Variants in CAMTA1 observed in about 807,000 individuals in gnomAD.
CAMTA1 encodes the protein calmodulin binding transcription activator 1.
A neutral mutation model predicts 170.9 loss-of-function variants in CAMTA1; 27 were observed. That is an observed-to-expected ratio of 0.16 (90% confidence interval 0.12 to 0.22). The LOEUF (loss-of-function observed/expected upper bound fraction) is 0.22. Among genes scored for constraint, CAMTA1 ranks in the 10% least tolerant of loss-of-function variants. CAMTA1 has a pLI of 1.00. For missense variants in CAMTA1, 1,619 were observed against 2,217.2 expected, an observed-to-expected ratio of 0.73 and a Z score of 5.42; for synonymous variants, 833 against 891.5, an observed-to-expected ratio of 0.93 and a Z score of 1.17.
At chr1:6,858,482 G>T (rs1424803667) in intron 3 of CAMTA1, among the ~76,000 whole-genome samples, 1 of 81,966 alleles carries the variant, frequency 1.2e-5, no homozygotes. Context: ...GTGTGTGTGT[G>T]TGTTGGGGGG....
intron 3 of CAMTA1, among the ~76,000 whole-genome samples, chr1:6,940,906 A>C: frequency 4.0e-3 from 1 of 252 alleles, no homozygotes; most frequent in Admixed American, 0.083. Context: ...CACTGTGCTC[A>C]CAGGCAGGGG....
intron 9 of CAMTA1, among the ~76,000 whole-genome samples, 178 bp from the exon 10 acceptor site, chr1:7,670,733 G>C (rs1200536887): frequency 1.3e-5 from 2 of 152,160 alleles, no homozygotes; most frequent in Non-Finnish European, 2.9e-5. Context: ...TGTAGTCCTG[G>C]AGCTGTGGTT....
chr1:7,044,745 C>A lies in CAMTA1; in HGVS notation c.235-46559C>A, dbSNP rs1305831773. On this transcript the variant is annotated intron_variant, in intron 3 of 22. Transcript: ENST00000303635. The surrounding 1 kb of genome is among the most constrained non-coding windows in gnomAD (Gnocchi z 5.0). The stretch of plus-strand genomic sequence containing the variant: ...TCCCTTGCTTTGGGGAGGGAACTTA[C>A]CCTGCGTGCAGTCCTCCTGCCCCCC... Among the ~76,000 whole-genome samples the A allele has an allele frequency of 6.6e-6, 1 of 152,098 alleles. No homozygotes were observed. The highest frequency in any genetic ancestry group is 1.5e-5 in the Non-Finnish European group (1 of 68,000).
Position 7,671,018 on chromosome 1 carries a change from G to A in CAMTA1, c.2760G>A (p.Val920=). 2.5e-6 allele frequency: 4 copies of A among 1,613,546 alleles called. No homozygotes were observed. Among genetic ancestry groups the A allele is most frequent in the Non-Finnish European group, 3.4e-6 (4 of 1,179,960 alleles). The part of the protein sequence containing the change: ...SVPASLIQPG[V]LRCYCPAHDT... ...CTGCATCCCTGATTCAGCCTGGGGT[G>A]CTGCGCTGCTACTGCCCAGGTGAGA... is the stretch of plus-strand genomic sequence containing the variant. Residue 920 remains valine (V), a synonymous_variant, in exon 10 of 23, where the codon GTG becomes GTA. Transcript: ENST00000303635.
Position 7,635,636 on chromosome 1 carries a change from C to T in CAMTA1, c.511-4764C>T, listed in dbSNP as rs1173480260. 1.3e-5 allele frequency among the ~76,000 whole-genome samples: 2 copies of T among 151,696 alleles called. No homozygotes were observed. The highest frequency in any genetic ancestry group is 2.4e-5 in the African/African-American group (1 of 41,216). Reference sequence around the variant, plus strand: ...AAAAAAAAAAAAAAAAATACAGGGCCCTGGCGGGGTCTGTCCCCTGCCGTG... The same window carrying T: ...AAAAAAAAAAAAAAAAATACAGGGCTCTGGCGGGGTCTGTCCCCTGCCGTG... On this transcript the variant is annotated intron_variant, in intron 6 of 22. Transcript: ENST00000303635. This position sits in a 1 kb window ranked among gnomAD's most constrained non-coding sequence, Gnocchi z 4.4.
Position 7,635,395 on chromosome 1 carries a change from C to G in CAMTA1, c.511-5005C>G, listed in dbSNP as rs1055077460. Among the ~76,000 whole-genome samples the G allele has an allele frequency of 1.3e-5, 2 of 151,934 alleles. No individual in the cohort carries two copies. Among genetic ancestry groups the G allele is most frequent in the Non-Finnish European group, 2.9e-5 (2 of 67,986 alleles). ...GGCCGAGGCAGGCAGATCACGAGAT[C>G]GGGACACCGAGACTATCCTGGCTAA... On this transcript the variant is annotated intron_variant, in intron 6 of 22. Coordinates refer to ENST00000303635, the MANE Select transcript of CAMTA1 (RefSeq NM_015215.4). This position sits in a 1 kb window ranked among gnomAD's most constrained non-coding sequence, Gnocchi z 4.4.
chr1:7,604,489 G>A (rs1406819571), intron 6 of CAMTA1, among the ~76,000 whole-genome samples: 1 of 152,098 alleles, frequency 6.6e-6, no homozygotes, highest in Non-Finnish European at 1.5e-5. Context: ...TGAGGCTTGT[G>A]CATTCATCAC....
chr1:7,420,769 G>A lies in CAMTA1; in HGVS notation c.439-47061G>A, dbSNP rs558552095. On this transcript the variant is annotated intron_variant, in intron 5 of 22. Transcript: ENST00000303635. ...TGGAGAAGCAGACAGAACCGTTCAA[G>A]TACAAATGTGTCTGTGCAGCAGGGC... 7.2e-5 allele frequency among the ~76,000 whole-genome samples: 11 copies of A among 152,356 alleles called. 1 individual carries two copies. The South Asian group carries it at 2.3e-3, about 32-fold the overall frequency.
intron 3 of CAMTA1, among the ~76,000 whole-genome samples, chr1:7,061,564 C>T (rs1188006927): frequency 1.3e-5 from 2 of 151,854 alleles, no homozygotes; most frequent in Non-Finnish European, 1.5e-5. Context: ...TTGGAGAGGT[C>T]AAGACCAGGC....
intron 5 of CAMTA1, among the ~76,000 whole-genome samples, chr1:7,292,045 G>T (rs1673211147): frequency 6.6e-6 from 1 of 152,166 alleles, no homozygotes; most frequent in East Asian, 1.9e-4. Flanking sequence ...ATTTTAGTTT[G>T]CAGAAATTCG....
rs1318290139 is a variant in CAMTA1, at chr1:7,534,674, G to A, written c.510+66773G>A. Among the ~76,000 whole-genome samples, 2 of 152,162 alleles carry A rather than the reference G, an allele frequency of 1.3e-5. No individual in the cohort carries two copies. Among genetic ancestry groups the A allele is most frequent in the Non-Finnish European group, 2.9e-5 (2 of 68,038 alleles). On this transcript the variant is annotated intron_variant, in intron 6 of 22. Transcript: ENST00000303635. This position sits in a 1 kb window ranked among gnomAD's most constrained non-coding sequence, Gnocchi z 5.6. ...GGTCACAGCAGTGGACGTTCGGGCC[G>A]AGGGGAGCTGAGGCCACGGCGGGGA...
chr1:7,194,430 T>C (rs1655135004), intron 4 of CAMTA1, among the ~76,000 whole-genome samples: 1 of 151,652 alleles, frequency 6.6e-6, no homozygotes, highest in South Asian at 2.1e-4. Flanking sequence ...ATACGTGAAA[T>C]TTTTTTTTAT....
chr1:7,353,447 C>T (rs1353921111), intron 5 of CAMTA1, among the ~76,000 whole-genome samples: 7 of 117,894 alleles, frequency 5.9e-5, no homozygotes, highest in African/African-American at 1.7e-4. Context: ...TTTTTTGAGA[C>T]GGAGTTTTAC....
intron 3 of CAMTA1, among the ~76,000 whole-genome samples, chr1:6,898,751 A>G (rs1028089038): frequency 2.0e-5 from 3 of 152,180 alleles, no homozygotes; most frequent in Non-Finnish European, 4.4e-5. Flanking sequence ...TCTCATCTCA[A>G]ATGAGCTTTG....
At chr1:7,193,047 G>C (rs1338616919) in intron 4 of CAMTA1, among the ~76,000 whole-genome samples, 1 of 152,052 alleles carries the variant, frequency 6.6e-6, no homozygotes, top group Non-Finnish European at 1.5e-5. Flanking sequence ...TCTTCTGCTG[G>C]TCCTTTAAAA....
intron 20 of CAMTA1, among the ~76,000 whole-genome samples, chr1:7,752,050 T>C: frequency 6.6e-6 from 1 of 152,206 alleles, no homozygotes; most frequent in Non-Finnish European, 1.5e-5. Flanking sequence ...GTAAAATATA[T>C]TGATCAGTAC....
chr1:7,256,020 G>A (rs560158438), intron 5 of CAMTA1, among the ~76,000 whole-genome samples: 2 of 152,226 alleles, frequency 1.3e-5, no homozygotes, highest in Non-Finnish European at 2.9e-5. Context: ...GGAATCTCCC[G>A]GGGCTCTCTG....
At chr1:7,716,109 T>C (rs1220508899) in intron 11 of CAMTA1, among the ~76,000 whole-genome samples, 1 of 152,228 alleles carries the variant, frequency 6.6e-6, no homozygotes, top group East Asian at 1.9e-4. Context: ...TGAAGCTCAC[T>C]GTGGCCTCCA....
intron 3 of CAMTA1, among the ~76,000 whole-genome samples, chr1:6,941,700 C>G (rs939510743): frequency 6.6e-6 from 1 of 152,184 alleles, no homozygotes; most frequent in Non-Finnish European, 1.5e-5. Flanking sequence ...GAGAGTCACT[C>G]CTGAAGTATT....
Sources: gnomAD v4.1 joint callset for allele counts (sites outside exome capture counted in the v4.1 genomes callset) on GRCh38, gnomAD v4.1.1 for gene constraint, Gnocchi (gnomAD v3.1) non-coding constraint, MANE v1.5 for transcripts, NCBI Gene and HGNC (gene_info 2026-07-23, HGNC 2026-07-21) for gene names.